MYT1L: variants seen among roughly 807,000 people sequenced by gnomAD.
The protein encoded by MYT1L is myelin transcription factor 1 like.
MYT1L carries 12 observed loss-of-function variants against 126.7 expected under a neutral mutation model. That is an observed-to-expected ratio of 0.09 (90% CI 0.06 to 0.15). MYT1L has a LOEUF of 0.15. Ranked by LOEUF, MYT1L falls within the 10% of genes least tolerant of loss-of-function variation. The pLI is 1.00. For synonymous variants in MYT1L, 541 were observed against 604.2 expected (o/e 0.90, Z 1.53); for missense variants, 979 against 1,585.2 (o/e 0.62, Z 6.49).
At chr2:2,002,779 G>A (rs543328817) in intron 4 of MYT1L, among the ~76,000 whole-genome samples, 1 of 152,254 alleles carries the variant, frequency 6.6e-6, no homozygotes, top group African/African-American at 2.4e-5. Flanking sequence ...CTGGATCACG[G>A]GGGCGGGGCA....
chr2:1,848,403 G>A lies in MYT1L; in HGVS notation c.2774+3238C>T, dbSNP rs570121997. On this transcript the variant is annotated intron_variant, in intron 19 of 24. Coordinates refer to ENST00000647738, the MANE Select transcript of MYT1L (RefSeq NM_001303052.2). The surrounding 1 kb of genome is among the most constrained non-coding windows in gnomAD (Gnocchi z 4.8). Reference sequence around the variant, plus strand: ...TCCAGACACCACAGGTGCGCGAGGCGGATCTGTGCTCTGAACAGGTTCAGG... The same window carrying A: ...TCCAGACACCACAGGTGCGCGAGGCAGATCTGTGCTCTGAACAGGTTCAGG... Among the ~76,000 whole-genome samples, 3 of 151,240 alleles carry A rather than the reference G, an allele frequency of 2.0e-5. No individual in the cohort carries two copies. The highest frequency in any genetic ancestry group is 2.1e-4 in the South Asian group (1 of 4,798).
At chr2:2,267,387 G>C (rs1272989163) in intron 2 of MYT1L, among the ~76,000 whole-genome samples, 1 of 152,168 alleles carries the variant, frequency 6.6e-6, no homozygotes, top group Non-Finnish European at 1.5e-5. Flanking sequence ...GTAAAAAGCG[G>C]AGCAGAGTGT....
At chr2:1,960,198 C>G (rs181793055) in intron 8 of MYT1L, among the ~76,000 whole-genome samples, 1 of 152,186 alleles carries the variant, frequency 6.6e-6, no homozygotes, top group East Asian at 1.9e-4. Context: ...GCTTTACATG[C>G]AGAAAAAGGA....
At chr2:2,046,061 T>G (rs1226462712) in intron 4 of MYT1L, among the ~76,000 whole-genome samples, 2 of 152,126 alleles carry the variant, frequency 1.3e-5, no homozygotes, top group Non-Finnish European at 2.9e-5. Context: ...AATATAAACA[T>G]GAATAATTTA....
At chr2:2,200,393 C>T (rs925300581) in intron 2 of MYT1L, among the ~76,000 whole-genome samples, 3 of 152,198 alleles carry the variant, frequency 2.0e-5, no homozygotes, top group Non-Finnish European at 2.9e-5. Flanking sequence ...TGTGTCCATG[C>T]GTTTTTCTGC....
chr2:1,849,300 C>T (rs2042909979), intron 19 of MYT1L, among the ~76,000 whole-genome samples: 1 of 152,202 alleles, frequency 6.6e-6, no homozygotes, highest in Non-Finnish European at 1.5e-5. Context: ...ATGAAATAAA[C>T]ACCAGCATGG....
intron 2 of MYT1L, among the ~76,000 whole-genome samples, chr2:2,199,178 T>C (rs1309656010): frequency 6.6e-6 from 1 of 152,176 alleles, no homozygotes; most frequent in Non-Finnish European, 1.5e-5. Flanking sequence ...ACATTGTCCT[T>C]AATAACAAAG....
At chr2:2,327,533 T>A (rs1294273052) in intron 1 of MYT1L, among the ~76,000 whole-genome samples, 1 of 152,222 alleles carries the variant, frequency 6.6e-6, no homozygotes, top group Non-Finnish European at 1.5e-5. Context: ...ATAACATCAT[T>A]GCGCTCAAAT....
chr2:1,970,436 A>G (rs7578545), intron 8 of MYT1L, among the ~76,000 whole-genome samples: 70,667 of 152,092 alleles, frequency 0.46, 18,765 homozygotes, highest in African/African-American at 0.74. Context: ...CCCAGCCCCC[A>G]TCTCACCAGC....
In MYT1L at chr2:1,910,209, A is replaced by T. The variant is rs768306937; in HGVS notation, c.1817+31T>A. On this transcript the variant is annotated intron_variant, in intron 13 of 24. Coordinates refer to ENST00000647738, the MANE Select transcript of MYT1L (RefSeq NM_001303052.2). The surrounding 1 kb of genome is among the most constrained non-coding windows in gnomAD (Gnocchi z 4.8). ...GAGGTGTGGGGCAGACTATGGATAG[A>T]GCTCACGGATGGTGCACTCCTGCTG... 15 of 1,590,590 alleles carry T rather than the reference A, an allele frequency of 9.4e-6. No individual in the cohort carries two copies. The highest frequency in any genetic ancestry group is 1.3e-5 in the Non-Finnish European group (15 of 1,161,518).
intron 5 of MYT1L, among the ~76,000 whole-genome samples, chr2:1,983,039 A>AT (rs376030046): frequency 9.9e-5 from 15 of 152,030 alleles, no homozygotes; most frequent in Middle Eastern, 3.2e-3. Context: ...GGGCAAACTT[A>AT]TTTTTTTTCC....
At chr2:2,066,837 G>C (rs2073944213) in intron 3 of MYT1L, among the ~76,000 whole-genome samples, 1 of 152,208 alleles carries the variant, frequency 6.6e-6, no homozygotes, top group Admixed American at 6.5e-5. Flanking sequence ...TTGCAGAGGA[G>C]CCATTCAGAA....
chr2:2,019,617 T>C (rs940137390), intron 4 of MYT1L, among the ~76,000 whole-genome samples: 1 of 152,242 alleles, frequency 6.6e-6, no homozygotes, highest in Admixed American at 6.5e-5. Context: ...TAGATCCATG[T>C]CATTCTCTGC....
chr2:2,171,860 T>C (rs1478111798), intron 3 of MYT1L, among the ~76,000 whole-genome samples: 3 of 152,040 alleles, frequency 2.0e-5, no homozygotes, highest in Non-Finnish European at 4.4e-5. Flanking sequence ...TTCTGTGCAG[T>C]GGTAAGTAGT....
intron 9 of MYT1L, among the ~76,000 whole-genome samples, chr2:1,936,755 G>A (rs1477805699): frequency 6.6e-6 from 1 of 152,140 alleles, no homozygotes; most frequent in Non-Finnish European, 1.5e-5. Flanking sequence ...TAATCAATAT[G>A]GAGAATGGTG....
In MYT1L at chr2:1,790,071, A is replaced by G. The variant is rs2031781300; in HGVS notation, c.*1796T>C. 6.6e-6 allele frequency: 1 copy of G among 152,194 alleles called. No individual in the cohort carries two copies. Among genetic ancestry groups the G allele is most frequent in the Non-Finnish European group, 1.5e-5 (1 of 68,040 alleles). The allele number at this position is 152,194 out of a possible 1,614,324, so 9.4% of individuals were successfully genotyped here. A position where few individuals can be genotyped will look rare whatever the true frequency, so the allele number is the denominator to read the frequency against. On this transcript the variant is annotated 3_prime_UTR_variant, in exon 25 of 25. Transcript: ENST00000647738. ...ATTGATCAGCCGTGAGGGCTCCTCT[A>G]TAATCCATCCAGGTTCAGTGTCACA... is the stretch of plus-strand genomic sequence containing the variant.
At chr2:2,161,381 T>C (rs1171285062) in intron 3 of MYT1L, among the ~76,000 whole-genome samples, 2 of 152,246 alleles carry the variant, frequency 1.3e-5, no homozygotes, top group Non-Finnish European at 2.9e-5. Flanking sequence ...TATGCTAAAT[T>C]ATTTCTAGCT....
At chr2:2,179,493 A>G (rs1052749319) in intron 2 of MYT1L, among the ~76,000 whole-genome samples, 10 of 152,246 alleles carry the variant, frequency 6.6e-5, no homozygotes, top group Non-Finnish European at 1.5e-4. Flanking sequence ...ATAAGTCCAC[A>G]TAGTGACCAT....
intron 9 of MYT1L, among the ~76,000 whole-genome samples, chr2:1,940,030 G>A (rs955098235): frequency 6.6e-6 from 1 of 152,238 alleles, no homozygotes; most frequent in African/African-American, 2.4e-5. Flanking sequence ...GAAGGGCCCC[G>A]CAAGGGCATG....
Sources: allele counts gnomAD v4.1 joint callset (sites outside exome capture counted in the v4.1 genomes callset), GRCh38; gene constraint gnomAD v4.1.1; non-coding constraint Gnocchi (gnomAD v3.1); transcripts MANE v1.5; gene names NCBI Gene and HGNC (gene_info 2026-07-23, HGNC 2026-07-21).